Variants in SLC67A1 observed in about 807,000 individuals in gnomAD.
SLC67A1 encodes solute carrier family 67 member A1.
chr11:2,917,912 G>A, the SLC67A1 span: 354 of 1,190,808 alleles, frequency 3.0e-4, 1 homozygote, highest in African/African-American at 4.8e-3. Context: ...CCTCCGAATG[G>A]CGAGGCCTGC....
At chr11:2,922,027 G>C in the SLC67A1 span, 1 of 1,133,232 alleles carries the variant, frequency 8.8e-7, no homozygotes, top group East Asian at 2.4e-5. Flanking sequence ...CCCCAGCTTT[G>C]GGGGCTGGCC....
the SLC67A1 span, among the ~76,000 whole-genome samples, chr11:2,900,022 C>G: frequency 1.1e-4 from 17 of 152,294 alleles, no homozygotes; most frequent in Admixed American, 5.9e-4. Flanking sequence ...CATCCTCCCC[C>G]AGGAGTCCCA....
the SLC67A1 span, chr11:2,919,222 T>G: frequency 2.1e-6 from 2 of 944,810 alleles, no homozygotes; most frequent in Non-Finnish European, 3.4e-6. Flanking sequence ...ACACCCTGAT[T>G]GGCCAGGCTG....
At chr11:2,919,197 C>T in the SLC67A1 span, 1 of 755,180 alleles carries the variant, frequency 1.3e-6, no homozygotes, top group Non-Finnish European at 2.3e-6. Flanking sequence ...GAACCAGTCA[C>T]CAGCCAGGGC....
the SLC67A1 span, chr11:2,903,596 G>A: frequency 2.3e-6 from 3 of 1,287,646 alleles, no homozygotes; most frequent in Non-Finnish European, 3.3e-6. Flanking sequence ...GTTTCATGCT[G>A]CCAGGGCCCC....
chr11:2,909,050 T>C, the SLC67A1 span: 1 of 700,890 alleles, frequency 1.4e-6, no homozygotes, highest in Non-Finnish European at 2.2e-6. Context: ...GAGGGAGGCC[T>C]CCCAGCAGCC....
chr11:2,915,115 T>G, the SLC67A1 span: 1 of 985,174 alleles, frequency 1.0e-6, no homozygotes, highest in South Asian at 4.7e-5. Flanking sequence ...AGCACCCCCC[T>G]AGACTGATGT....
At chr11:2,903,957 C>T in the SLC67A1 span, among the ~76,000 whole-genome samples, 2,817 of 152,296 alleles carry the variant, frequency 0.018, 76 homozygotes, top group African/African-American at 0.065. Flanking sequence ...TGATCTGTGG[C>T]GGCAAATTGA....
the SLC67A1 span, chr11:2,909,768 C>G: frequency 7.2e-7 from 1 of 1,387,238 alleles, no homozygotes; most frequent in Non-Finnish European, 9.3e-7. Flanking sequence ...GCTGGGTCGG[C>G]CCCGCCCCGC....
At chr11:2,916,439 TC>T in the SLC67A1 span, 4 of 559,756 alleles carry the variant, frequency 7.1e-6, no homozygotes, top group Admixed American at 3.2e-5. Flanking sequence ...CATTCCTTCA[TC>T]CATCACCTAA....
the SLC67A1 span, chr11:2,909,850 T>C: frequency 1.0e-6 from 1 of 971,690 alleles, no homozygotes; most frequent in Non-Finnish European, 1.4e-6. Flanking sequence ...ACTGGGGACG[T>C]CTGGCCCCGC....
the SLC67A1 span, chr11:2,916,411 G>A: frequency 9.7e-6 from 5 of 513,034 alleles, no homozygotes; most frequent in Admixed American, 1.5e-4. Flanking sequence ...GAGGGTCAGG[G>A]ATGGTGAGCG....
chr11:2,916,396 G>A, the SLC67A1 span: 17 of 465,376 alleles, frequency 3.7e-5, no homozygotes, highest in South Asian at 2.1e-4. Flanking sequence ...CCTGCATGGC[G>A]TGGCGAGGGT....
chr11:2,923,737 T>G, the SLC67A1 span, among the ~76,000 whole-genome samples: 3 of 152,112 alleles, frequency 2.0e-5, no homozygotes, highest in Non-Finnish European at 4.4e-5. This position sits in a 1 kb window ranked among gnomAD's most constrained non-coding sequence, Gnocchi z 6.5. Flanking sequence ...CCGGCCTGGC[T>G]GGGAAGAGGC....
At chr11:2,925,142 T>TC in the SLC67A1 span, 2 of 1,613,830 alleles carry the variant, frequency 1.2e-6, no homozygotes, top group Non-Finnish European at 1.7e-6. This position sits in a 1 kb window ranked among gnomAD's most constrained non-coding sequence, Gnocchi z 6.5. Flanking sequence ...AATACCCTTG[T>TC]CCTCCTGGTC....
chr11:2,924,953 G>A, the SLC67A1 span: 585 of 1,495,590 alleles, frequency 3.9e-4, 1 homozygote, highest in African/African-American at 6.0e-3. This position sits in a 1 kb window ranked among gnomAD's most constrained non-coding sequence, Gnocchi z 8.6. Context: ...TGTTCAGGAA[G>A]TGGGCAGTTG....
chr11:2,924,114 C>A, the SLC67A1 span, among the ~76,000 whole-genome samples: 1 of 152,224 alleles, frequency 6.6e-6, no homozygotes, highest in African/African-American at 2.4e-5. This position sits in a 1 kb window ranked among gnomAD's most constrained non-coding sequence, Gnocchi z 8.6. Context: ...GTGCTGCCCC[C>A]CTTGTTGCCC....
chr11:2,916,750 G>A, the SLC67A1 span: 23 of 1,607,474 alleles, frequency 1.4e-5, no homozygotes, highest in South Asian at 2.2e-5. Context: ...GGTAAGCCCC[G>A]CCAGGTACAC....
chr11:2,905,803 G>C, the SLC67A1 span, among the ~76,000 whole-genome samples: 3 of 152,342 alleles, frequency 2.0e-5, no homozygotes, highest in African/African-American at 7.2e-5. Flanking sequence ...GAACGCAAGA[G>C]AAGTAACAGG....
Sources: gnomAD v4.1 joint callset for allele counts (sites outside exome capture counted in the v4.1 genomes callset) on GRCh38, gnomAD v4.1.1 for gene constraint, Gnocchi (gnomAD v3.1) non-coding constraint, MANE v1.5 for transcripts, NCBI Gene and HGNC (gene_info 2026-07-23, HGNC 2026-07-21) for gene names.